The following GRID2 variants were observed in gnomAD, a reference collection of about 807,000 sequenced individuals.
GRID2 encodes glutamate receptor ionotropic, delta-2.
GRID2 carries 33 observed loss-of-function variants against 114.8 expected under a neutral mutation model. That is an observed-to-expected ratio of 0.29 (90% CI 0.22 to 0.38). The LOEUF (loss-of-function observed/expected upper bound fraction) is 0.38. Ranked by LOEUF, GRID2 falls within the 10% of genes least tolerant of loss-of-function variation. GRID2 has a pLI of 1.00. For synonymous variants in GRID2, 505 were observed against 449.9 expected (o/e 1.12, Z -1.55); for missense variants, 1,184 against 1,257.7 (o/e 0.94, Z 0.89).
intron 2 of GRID2, among the ~76,000 whole-genome samples, chr4:92,705,182 T>G (rs1734897016): frequency 6.6e-6 from 1 of 152,156 alleles, no homozygotes; most frequent in African/African-American, 2.4e-5. Context: ...TTATATTTAA[T>G]ATTGCTCTGA....
Position 93,478,425 on chromosome 4 carries a change from A to G in GRID2, c.1859-12214A>G, listed in dbSNP as rs901712227. On this transcript the variant is annotated intron_variant, in intron 11 of 15. Transcript: ENST00000282020. ...TATTAAGTCTGAAGTTTCAAAAATTATAAAGATCGTCTCCTTCTGTAGGAA... is the reference window on the plus strand; with the variant it reads ...TATTAAGTCTGAAGTTTCAAAAATTGTAAAGATCGTCTCCTTCTGTAGGAA... Among the ~76,000 whole-genome samples the G allele has an allele frequency of 4.6e-5, 7 of 152,004 alleles. No homozygotes were observed. The East Asian group carries it at 1.4e-3, about 29-fold the overall frequency.
intron 2 of GRID2, among the ~76,000 whole-genome samples, chr4:92,971,336 G>A (rs17020045): frequency 0.62 from 94,643 of 151,854 alleles, 31,352 homozygotes; most frequent in African/African-American, 0.84. Flanking sequence ...AGATTTTTAT[G>A]TTGCAATCAA....
At chr4:93,495,674 C>A (rs916477783) in intron 12 of GRID2, among the ~76,000 whole-genome samples, 5 of 151,654 alleles carry the variant, frequency 3.3e-5, no homozygotes, top group African/African-American at 1.2e-4. Flanking sequence ...GTGTCTAATG[C>A]ATGTATATTT....
chr4:93,592,983 C>G (rs1199786187), intron 13 of GRID2, among the ~76,000 whole-genome samples: 2 of 151,500 alleles, frequency 1.3e-5, no homozygotes, highest in Non-Finnish European at 2.9e-5. Flanking sequence ...CTGAATACAG[C>G]ACACTGATGG....
At chr4:93,563,339 G>A (rs1735100964) in intron 13 of GRID2, among the ~76,000 whole-genome samples, 1 of 151,758 alleles carries the variant, frequency 6.6e-6, no homozygotes, top group African/African-American at 2.4e-5. Flanking sequence ...CTGAACCACT[G>A]GTCCCCTCAC....
At chr4:93,495,386 T>A (rs1215416084) in intron 12 of GRID2, among the ~76,000 whole-genome samples, 2 of 151,840 alleles carry the variant, frequency 1.3e-5, no homozygotes, top group African/African-American at 4.8e-5. Context: ...TTTCTAAGTG[T>A]TCACAGGTGA....
At chr4:92,708,188 C>T (rs1735047178) in intron 2 of GRID2, among the ~76,000 whole-genome samples, 1 of 152,136 alleles carries the variant, frequency 6.6e-6, no homozygotes, top group Non-Finnish European at 1.5e-5. Context: ...GGAATGAAGG[C>T]AGTTTTACTT....
intron 4 of GRID2, among the ~76,000 whole-genome samples, chr4:93,155,402 C>T (rs1737085176): frequency 6.6e-6 from 1 of 151,876 alleles, no homozygotes; most frequent in African/African-American, 2.4e-5. Context: ...TCCTTTTATA[C>T]TAAGTTCTAA....
At chr4:93,066,946 G>A (rs1008579606) in intron 2 of GRID2, among the ~76,000 whole-genome samples, 2 of 152,010 alleles carry the variant, frequency 1.3e-5, no homozygotes, top group Admixed American at 1.3e-4. Context: ...GTACAGTGTG[G>A]ATGATTCACA....
intron 8 of GRID2, among the ~76,000 whole-genome samples, chr4:93,364,728 C>T (rs999649497): frequency 6.6e-6 from 1 of 152,150 alleles, no homozygotes; most frequent in African/African-American, 2.4e-5. Flanking sequence ...ATCCTCCCAC[C>T]TCAACCTCCC....
chr4:93,568,654 T>C (rs1474809927), intron 13 of GRID2, among the ~76,000 whole-genome samples: 3 of 152,268 alleles, frequency 2.0e-5, no homozygotes, highest in Non-Finnish European at 4.4e-5. Context: ...AATAAGACAA[T>C]AGTCCTTTAC....
At chr4:93,629,619 C>T (rs570298850) in intron 14 of GRID2, among the ~76,000 whole-genome samples, 12 of 152,022 alleles carry the variant, frequency 7.9e-5, no homozygotes, top group Admixed American at 2.0e-4. Flanking sequence ...CATCAGCATC[C>T]GGGGCCATTG....
At chr4:93,446,811 G>C (rs1722136364) in intron 10 of GRID2, among the ~76,000 whole-genome samples, 1 of 151,872 alleles carries the variant, frequency 6.6e-6, no homozygotes, top group African/African-American at 2.4e-5. Flanking sequence ...CCATCAACAT[G>C]TGAGTTTTGA....
At position 93,515,156 on chromosome 4, in the gene GRID2, C is replaced by T. The variant is rs1729583935; in HGVS notation, c.1998-60C>T. On this transcript the variant is annotated intron_variant, in intron 12 of 15. Coordinates refer to ENST00000282020, the MANE Select transcript of GRID2 (RefSeq NM_001510.4). ...CCTTTTTTTTTCTTTTAACTTTATT[C>T]CCACTTGAAAATACTCAGTAATGTG... is the stretch of plus-strand genomic sequence containing the variant. The T allele has an allele frequency of 5.9e-6, 4 of 676,606 alleles. No individual in the cohort carries two copies. The South Asian group carries it at 1.1e-4, about 18-fold the overall frequency. The allele number at this position is 676,606 out of a possible 1,614,324, so 41.9% of individuals were successfully genotyped here.
intron 2 of GRID2, among the ~76,000 whole-genome samples, chr4:92,664,760 C>T (rs964093557): frequency 6.6e-6 from 1 of 151,042 alleles, no homozygotes; most frequent in Non-Finnish European, 1.5e-5. Context: ...AGTGTTGATT[C>T]TGTTATTAAT....
chr4:92,789,814 T>C (rs1739494048), intron 2 of GRID2, among the ~76,000 whole-genome samples: 1 of 151,924 alleles, frequency 6.6e-6, no homozygotes, highest in Non-Finnish European at 1.5e-5. Context: ...GATTTCTTTA[T>C]ATATTTTCAG....
chr4:93,314,983 G>T (rs1756431625), intron 8 of GRID2, among the ~76,000 whole-genome samples: 1 of 152,058 alleles, frequency 6.6e-6, no homozygotes, highest in Non-Finnish European at 1.5e-5. Flanking sequence ...TCCTGAGACT[G>T]GGTAATTTAT....
rs546411167 is a variant in GRID2 at position 92,732,697 on chromosome 4, C to T, written c.244+142411C>T. 9.2e-5 allele frequency among the ~76,000 whole-genome samples: 14 copies of T among 152,146 alleles called. No individual in the cohort carries two copies. In the East Asian group the frequency reaches 2.7e-3, roughly 29 times the overall value. On this transcript the variant is annotated intron_variant, in intron 2 of 15. Transcript: ENST00000282020. ...CATTCCTTCTTAGAATTAACATAGA[C>T]ATAGTGATACTCCTTTCATCTATCT...
chr4:93,161,893 T>G (rs189456624), intron 4 of GRID2, among the ~76,000 whole-genome samples: 98 of 151,978 alleles, frequency 6.4e-4, no homozygotes, highest in African/African-American at 2.2e-3. Flanking sequence ...CTATAGTTAT[T>G]TCTAATTTTT....
Sources: gnomAD v4.1 joint callset for allele counts (sites outside exome capture counted in the v4.1 genomes callset) on GRCh38, gnomAD v4.1.1 for gene constraint, MANE v1.5 for transcripts, NCBI Gene and HGNC (gene_info 2026-07-23, HGNC 2026-07-21) for gene names.